CDC23: variants seen among roughly 807,000 people sequenced by gnomAD.
CDC23 encodes cell division cycle 23.
In CDC23, 26 loss-of-function variants were observed where a neutral mutation model predicts 81.7. The ratio of observed to expected loss-of-function variants is 0.32; its 90% CI spans 0.23 to 0.44. The LOEUF is 0.44. Among genes scored for constraint, CDC23 ranks in the 20% least tolerant of loss-of-function variants. The pLI is 1.00. For missense variants in CDC23, 519 were observed against 728.0 expected, an observed-to-expected ratio of 0.71 and a Z score of 3.30; for synonymous variants, 267 against 270.8, an observed-to-expected ratio of 0.99 and a Z score of 0.14.
rs760996602 is a variant in CDC23, at chr5:138,189,883, G to A, written c.1448C>T (p.Ser483Leu). 6.2e-7 allele frequency: 1 copy of A among 1,614,058 alleles called. No individual in the cohort carries two copies. Among genetic ancestry groups the A allele is most frequent in the South Asian group, 1.1e-5 (1 of 91,070 alleles). The change falls in exon 14 of 16, where the codon TCA (serine) becomes TTA (leucine). Residue 483 changes from serine to leucine, a missense_variant. Ser to Leu is a moderately radical substitution (Grantham distance 145, BLOSUM62 -2). Transcript: ENST00000394886. ...GATGTAACACTGGGCAGCCTGTTCT[G>A]ACTCAGTCAACTGTTCATGAAGCCT... ...LAKLHEQLTE[S>L]EQAAQCYIKY...
intron 2 of CDC23, among the ~76,000 whole-genome samples, chr5:138,211,557 G>C (rs1755113539): frequency 6.6e-6 from 1 of 152,108 alleles, no homozygotes; most frequent in African/African-American, 2.4e-5. Context: ...GAGCTACTCG[G>C]GAGGTTGAGG....
chr5:138,192,114 C>T, intron 11 of CDC23, 155 bp downstream of exon 11: 1 of 996,792 alleles, frequency 1.0e-6, no homozygotes, highest in Non-Finnish European at 1.5e-6. Context: ...GTGAAATATA[C>T]TAAATGAAAA....
intron 3 of CDC23, among the ~76,000 whole-genome samples, chr5:138,204,713 G>A (rs934976187): frequency 3.3e-5 from 5 of 150,462 alleles, no homozygotes; most frequent in African/African-American, 9.8e-5. Flanking sequence ...TCCACCTTCC[G>A]GGTTCACGCC....
Position 138,212,420 on chromosome 5 carries a change from G to A in CDC23, c.234+571C>T, listed in dbSNP as rs374629680. On this transcript the variant is annotated intron_variant, in intron 2 of 15. Transcript: ENST00000394886. ...TGCAACCTTCGCCTCCCGGGTTTAA[G>A]CGATTCTCCTGTCTCAGCCTCCCGA... Among the ~76,000 whole-genome samples, 66 of 152,318 alleles carry A rather than the reference G, an allele frequency of 4.3e-4. 1 individual carries two copies. In the East Asian group the frequency reaches 0.013, roughly 29 times the overall value.
intron 6 of CDC23, among the ~76,000 whole-genome samples, chr5:138,199,354 T>C (rs758919598): frequency 6.6e-6 from 1 of 152,122 alleles, no homozygotes; most frequent in African/African-American, 2.4e-5. Flanking sequence ...CCCCAGCACT[T>C]TGGGAGGCTA....
At chr5:138,196,589 CT>C (rs923629093) in intron 9 of CDC23, among the ~76,000 whole-genome samples, 4 of 127,444 alleles carry the variant, frequency 3.1e-5, no homozygotes. Context: ...CGTGCCCGGC[CT>C]TTTTTTTTGA....
At chr5:138,191,345 T>A in intron 13 of CDC23, 129 bp downstream of exon 13, 1 of 838,938 alleles carries the variant, frequency 1.2e-6, no homozygotes, top group Non-Finnish European at 2.1e-6. Flanking sequence ...AAACCAGCAT[T>A]CACACACCCT....
chr5:138,209,386 C>T (rs1412361122), intron 2 of CDC23, among the ~76,000 whole-genome samples: 2 of 150,490 alleles, frequency 1.3e-5, no homozygotes, highest in African/African-American at 4.9e-5. Flanking sequence ...GGAGATCATG[C>T]CATTGCACTC....
intron 15 of CDC23, 104 bp downstream of exon 15, chr5:138,189,529 G>T: frequency 1.8e-6 from 2 of 1,126,484 alleles, no homozygotes; most frequent in Non-Finnish European, 2.6e-6. Context: ...AAAGTGTTGG[G>T]ATTATAGGTG....
intron 3 of CDC23, 48 bp from the exon 4 acceptor site, chr5:138,202,203 A>C: frequency 6.8e-7 from 1 of 1,469,420 alleles, no homozygotes; most frequent in Non-Finnish European, 9.5e-7. Context: ...TTATTCTAAA[A>C]CATACTTTAA....
intron 2 of CDC23, among the ~76,000 whole-genome samples, chr5:138,207,353 A>G (rs1755061762): frequency 6.6e-6 from 1 of 152,206 alleles, no homozygotes; most frequent in Non-Finnish European, 1.5e-5. Flanking sequence ...TCCTGGTTTC[A>G]GGACATTGGT....
chr5:138,205,708 AAAAAC>A lies in CDC23; in HGVS notation c.372+834_372+838del, dbSNP rs1207420226. Among the ~76,000 whole-genome samples the A allele has an allele frequency of 2.0e-5, 3 of 152,184 alleles. 1 individual carries two copies. The highest frequency in any genetic ancestry group is 4.1e-4 in the South Asian group (2 of 4,820). On this transcript the variant is annotated intron_variant, in intron 3 of 15. Transcript: ENST00000394886. Reference sequence around the variant, plus strand: ...AAATGGTAAATTGGAAAAAAAAAAAAAAAACAAAGATGACTTAAACATAGTCCATA... The same window carrying A: ...AAATGGTAAATTGGAAAAAAAAAAAAAAAGATGACTTAAACATAGTCCATA...
Position 138,188,966 on chromosome 5 carries a change from G to A in CDC23, c.*12C>T, listed in dbSNP as rs186137669. On this transcript the variant is annotated 3_prime_UTR_variant, in exon 16 of 16. Transcript: ENST00000394886. Reference sequence around the variant, plus strand: ...GATGGGTCTAACAATGTGCTGGCTTGAGAGTAGCCAACTATGGCGTGACAG... The same window carrying A: ...GATGGGTCTAACAATGTGCTGGCTTAAGAGTAGCCAACTATGGCGTGACAG... 6 of 1,612,872 alleles carry A rather than the reference G, an allele frequency of 3.7e-6. No individual in the cohort carries two copies. Among genetic ancestry groups the A allele is most frequent in the Non-Finnish European group, 5.1e-6 (6 of 1,179,158 alleles).
At chr5:138,211,717 T>C (rs1233248295) in intron 2 of CDC23, among the ~76,000 whole-genome samples, 2 of 151,940 alleles carry the variant, frequency 1.3e-5, no homozygotes, top group African/African-American at 4.8e-5. Context: ...ATGTTCACTA[T>C]TTGGATGATG....
At chr5:138,198,921 T>G in intron 6 of CDC23, 139 bp from the exon 7 acceptor site, 3 of 790,202 alleles carry the variant, frequency 3.8e-6, no homozygotes, top group Non-Finnish European at 5.9e-6. Flanking sequence ...AACAGGACAG[T>G]CCAATTAACT....
intron 2 of CDC23, 67 bp downstream of exon 2, chr5:138,212,924 G>A: frequency 7.6e-7 from 1 of 1,307,950 alleles, no homozygotes; most frequent in Non-Finnish European, 1.1e-6. Context: ...CAGTGACAGG[G>A]CACTCAGTGG....
At chr5:138,212,638 C>A (rs933253796) in intron 2 of CDC23, among the ~76,000 whole-genome samples, 1 of 152,070 alleles carries the variant, frequency 6.6e-6, no homozygotes, top group African/African-American at 2.4e-5. Context: ...TCTTCTCATC[C>A]TTTTGGGTAT....
At chr5:138,211,126 A>G (rs1299096340) in intron 2 of CDC23, among the ~76,000 whole-genome samples, 3 of 152,256 alleles carry the variant, frequency 2.0e-5, no homozygotes, top group Non-Finnish European at 4.4e-5. Flanking sequence ...CTAGGTGCCC[A>G]TCAATGGTGC....
At chr5:138,197,717 G>A (rs1370723115) in intron 9 of CDC23, among the ~76,000 whole-genome samples, 3 of 151,348 alleles carry the variant, frequency 2.0e-5, no homozygotes, top group Non-Finnish European at 4.4e-5. Flanking sequence ...GGCTGGTCTC[G>A]AATACCTCAC....
Sources: allele counts gnomAD v4.1 joint callset (sites outside exome capture counted in the v4.1 genomes callset), GRCh38; gene constraint gnomAD v4.1.1; transcripts MANE v1.5; gene names NCBI Gene and HGNC (gene_info 2026-07-23, HGNC 2026-07-21).